PGAP1: variants seen among roughly 807,000 people sequenced by gnomAD.
The protein encoded by PGAP1 is GPI inositol-deacylase.
PGAP1 carries 76 observed loss-of-function variants against 127.0 expected under a neutral mutation model. The ratio of observed to expected loss-of-function variants is 0.60; its 90% CI spans 0.50 to 0.72. The LOEUF (loss-of-function observed/expected upper bound fraction) is 0.72, where lower values mean the gene tolerates loss of function less well. Ranked by LOEUF, PGAP1 falls within the 30% of genes least tolerant of loss-of-function variation. The pLI, the probability that PGAP1 is intolerant of heterozygous loss-of-function variation, is 0.00. For missense variants in PGAP1, 982 were observed against 1,071.3 expected, an observed-to-expected ratio of 0.92 and a Z score of 1.16; for synonymous variants, 362 against 366.5, an observed-to-expected ratio of 0.99 and a Z score of 0.14.
chr2:196,881,332 C>T (rs991348969), intron 12 of PGAP1, among the ~76,000 whole-genome samples: 12 of 152,072 alleles, frequency 7.9e-5, no homozygotes, highest in African/African-American at 2.9e-4. Context: ...AATGAACACA[C>T]ATACATGTGT....
intron 19 of PGAP1, among the ~76,000 whole-genome samples, chr2:196,866,060 T>C (rs144361200): frequency 5.3e-5 from 8 of 152,292 alleles, no homozygotes; most frequent in African/African-American, 1.7e-4. Flanking sequence ...GAGTAATTTA[T>C]AGATTCAATG....
intron 20 of PGAP1, among the ~76,000 whole-genome samples, chr2:196,862,995 G>A (rs1701117422): frequency 6.6e-6 from 1 of 152,162 alleles, no homozygotes; most frequent in East Asian, 1.9e-4. Context: ...CCAGTGAAAT[G>A]TACGTCAAAA....
At position 196,873,516 on chromosome 2, in the gene PGAP1, A is replaced by G. The variant is rs1476695983; in HGVS notation, c.1552+12T>C. ...TATTATTTTCTATACATTTTTTAGA[A>G]AACATATTTACCTTTGACTGCTGAG... On this transcript the variant is annotated intron_variant, in intron 16 of 26. Coordinates refer to ENST00000354764, the MANE Select transcript of PGAP1 (RefSeq NM_024989.4). The G allele has an allele frequency of 1.3e-6, 2 of 1,594,836 alleles. No individual in the cohort carries two copies. The highest frequency in any genetic ancestry group is 8.6e-7 in the Non-Finnish European group (1 of 1,167,716).
chr2:196,870,673 T>G (rs1241971909), intron 19 of PGAP1, among the ~76,000 whole-genome samples: 2 of 152,166 alleles, frequency 1.3e-5, no homozygotes, highest in African/African-American at 4.8e-5. Context: ...GTATCAAACA[T>G]GAAAGAATCA....
intron 7 of PGAP1, among the ~76,000 whole-genome samples, chr2:196,894,310 T>G (rs142029252): frequency 1.2e-3 from 183 of 152,338 alleles, no homozygotes; most frequent in Admixed American, 3.7e-3. Flanking sequence ...TTAAGTTTGT[T>G]GATGTCCCCC....
At chr2:196,866,879 TG>T (rs753062068) in intron 19 of PGAP1, among the ~76,000 whole-genome samples, 4 of 152,014 alleles carry the variant, frequency 2.6e-5, no homozygotes, top group African/African-American at 7.2e-5. Context: ...AATCATCGTA[TG>T]TTTTTTTCAA....
intron 20 of PGAP1, among the ~76,000 whole-genome samples, chr2:196,859,546 T>C (rs1329355321): frequency 4.6e-5 from 7 of 151,222 alleles, no homozygotes; most frequent in Admixed American, 4.6e-4. Context: ...ACCAAAACCA[T>C]AAAATAATAC....
At chr2:196,897,221 A>G (rs144311624) in intron 6 of PGAP1, 24 bp from the exon 7 acceptor site, 16,492 of 1,430,806 alleles carry the variant, frequency 0.012, 122 homozygotes, top group Non-Finnish European at 0.013. Flanking sequence ...TAAGTGTTAC[A>G]AATAAAACTT....
chr2:196,866,074 T>A (rs897369615), intron 19 of PGAP1, among the ~76,000 whole-genome samples: 1 of 152,176 alleles, frequency 6.6e-6, no homozygotes, highest in Non-Finnish European at 1.5e-5. Context: ...TTCAATGTTA[T>A]CCGCATCAAG....
In PGAP1 at chr2:196,862,999, G is replaced by A. The variant is rs563833363; in HGVS notation, c.1861+1988C>T. Among the ~76,000 whole-genome samples the A allele has an allele frequency of 4.3e-4, 66 of 152,254 alleles. 1 individual carries two copies. The East Asian group carries it at 6.2e-3, about 14-fold the overall frequency. On this transcript the variant is annotated intron_variant, in intron 20 of 26. Coordinates refer to ENST00000354764, the MANE Select transcript of PGAP1 (RefSeq NM_024989.4). ...ATCACTAATCACCAGTGAAATGTAC[G>A]TCAAAACCACAATGAGATATTACCT...
chr2:196,919,874 A>G, intron 2 of PGAP1, 123 bp downstream of exon 2: 3 of 971,206 alleles, frequency 3.1e-6, no homozygotes, highest in South Asian at 3.7e-5. Context: ...CTGTAAGCCC[A>G]GCACAGCACT....
intron 20 of PGAP1, among the ~76,000 whole-genome samples, chr2:196,849,448 T>C (rs1700655627): frequency 6.6e-6 from 1 of 151,238 alleles, no homozygotes; most frequent in Non-Finnish European, 1.5e-5. Context: ...GTATTTTTTT[T>C]TTTTTTTAGT....
At chr2:196,899,865 C>G (rs1005195476) in intron 5 of PGAP1, among the ~76,000 whole-genome samples, 1 of 152,114 alleles carries the variant, frequency 6.6e-6, no homozygotes, top group African/African-American at 2.4e-5. Context: ...GAAACCGCAT[C>G]TCTACTAAAA....
intron 19 of PGAP1, among the ~76,000 whole-genome samples, chr2:196,867,113 C>G (rs145374392): frequency 0.1 from 15,310 of 152,062 alleles, 804 homozygotes; most frequent in South Asian, 0.13. Flanking sequence ...TACCATTTCA[C>G]CTAGCAATCC....
chr2:196,842,701 G>T lies in PGAP1; in HGVS notation c.2630+20C>A. ...AGGCCAAGAACAGATATAAGAAAAA[G>T]AAAGATTAAACTACTGTACCTTGAT... On this transcript the variant is annotated intron_variant, in intron 26 of 26. Transcript: ENST00000354764. 2 of 1,313,120 alleles carry T rather than the reference G, an allele frequency of 1.5e-6. No homozygotes were observed. Among genetic ancestry groups the T allele is most frequent in the Non-Finnish European group, 2.1e-6 (2 of 947,676 alleles). 81.3% of individuals were successfully genotyped at this position (1,313,120 alleles called of 1,614,324 possible). A position where few individuals can be genotyped will look rare whatever the true frequency, so the allele number is the denominator to read the frequency against.
intron 23 of PGAP1, among the ~76,000 whole-genome samples, 162 bp downstream of exon 23, chr2:196,845,720 A>G (rs1576085913): frequency 6.6e-6 from 1 of 152,244 alleles, no homozygotes; most frequent in East Asian, 1.9e-4. Context: ...TTTTCCAGTT[A>G]ATTGTATGTA....
intron 20 of PGAP1, among the ~76,000 whole-genome samples, chr2:196,862,848 G>A (rs1417418625): frequency 6.6e-6 from 1 of 152,164 alleles, no homozygotes; most frequent in African/African-American, 2.4e-5. Context: ...AACCCGGGAG[G>A]TGGAGGTTGT....
Position 196,834,742 on chromosome 2 carries a change from A to G in PGAP1, c.*6492T>C, listed in dbSNP as rs774194006. On this transcript the variant is annotated 3_prime_UTR_variant, in exon 27 of 27. Transcript: ENST00000354764. ...TTTCTACCAGTATTCCAACAAATAC[A>G]TATTTGATTATATAGAAAGCATGAT... The G allele has an allele frequency of 6.6e-6, 1 of 151,942 alleles. No homozygotes were observed. Among genetic ancestry groups the G allele is most frequent in the Non-Finnish European group, 1.5e-5 (1 of 67,846 alleles). 9.4% of individuals were successfully genotyped at this position (151,942 alleles called of 1,614,324 possible).
rs1483887918 is a variant in PGAP1, at chr2:196,844,063, A to C, written c.2350T>G (p.Ser784Ala). Residue 784 changes from serine to alanine, a missense_variant, in exon 25 of 27, where the codon TCT becomes GCT. Transcript: ENST00000354764. ...TTGGATTTCTTTTCACTTCTTCTAG[A>C]GTGTTTGGGATTCTATAAAACAATA... is the stretch of plus-strand genomic sequence containing the variant. The part of the protein sequence containing the change: ...KNSQPVNPKH[S>A]RRSEKKSNHH... 3.2e-6 allele frequency: 5 copies of C among 1,576,828 alleles called. No homozygotes were observed. The highest frequency in any genetic ancestry group is 4.3e-6 in the Non-Finnish European group (5 of 1,155,866).
Sources: allele counts gnomAD v4.1 joint callset (sites outside exome capture counted in the v4.1 genomes callset), GRCh38; gene constraint gnomAD v4.1.1; transcripts MANE v1.5; gene names NCBI Gene and HGNC (gene_info 2026-07-23, HGNC 2026-07-21).